Variants in CCDC171 observed in about 807,000 individuals in gnomAD.
CCDC171 encodes coiled-coil domain containing 171, also known as coiled-coil domain-containing protein 171.
In CCDC171, 177 loss-of-function variants were observed where a neutral mutation model predicts 168.2. That is an observed-to-expected ratio of 1.05 (90% CI 0.93 to 1.19). The LOEUF (loss-of-function observed/expected upper bound fraction) is 1.19. CCDC171 is among the 50% of genes most tolerant of loss of function. The pLI is 0.00. For missense variants in CCDC171, 1,991 were observed against 1,539.0 expected (o/e 1.29, Z -4.91); for synonymous variants, 687 against 540.8 (o/e 1.27, Z -3.75).
intron 25 of CCDC171, among the ~76,000 whole-genome samples, chr9:15,950,716 T>A (rs1253005852): frequency 6.6e-6 from 1 of 151,412 alleles, no homozygotes; most frequent in Non-Finnish European, 1.5e-5. Flanking sequence ...CTGCATGAAC[T>A]AATGAGCAAA....
At chr9:15,695,376 T>C in intron 11 of CCDC171, 39 bp downstream of exon 11, 1 of 1,461,298 alleles carries the variant, frequency 6.8e-7, no homozygotes, top group Non-Finnish European at 9.6e-7. Context: ...CATCTGTCAA[T>C]GTTCCAAAGT....
intron 6 of CCDC171, among the ~76,000 whole-genome samples, chr9:15,603,254 G>A (rs1379624875): frequency 2.0e-5 from 3 of 152,252 alleles, no homozygotes; most frequent in Non-Finnish European, 2.9e-5. Context: ...AGAGTGCTGG[G>A]ATTTATTTTA....
intron 1 of CCDC171, among the ~76,000 whole-genome samples, chr9:15,561,951 C>G (rs551075642): frequency 1.1e-4 from 16 of 152,164 alleles, no homozygotes; most frequent in African/African-American, 3.6e-4. Context: ...GCCTGCAGTT[C>G]TTTGCCATGT....
At chr9:15,770,043 A>T (rs949501047) in intron 18 of CCDC171, among the ~76,000 whole-genome samples, 17 of 152,326 alleles carry the variant, frequency 1.1e-4, no homozygotes, top group Admixed American at 5.9e-4. Flanking sequence ...TAGATTTTGG[A>T]TTTAAAAGCC....
chr9:16,095,869 C>CATATATATATATATATATATATATATAT, the CCDC171 span, among the ~76,000 whole-genome samples: 7 of 123,844 alleles, frequency 5.7e-5, no homozygotes, highest in African/African-American at 8.9e-5. Flanking sequence ...CACATAGGCA[C>CATATATATATATATATATATATATATAT]ATATATATAT....
intron 24 of CCDC171, among the ~76,000 whole-genome samples, chr9:15,911,363 C>G (rs924946960): frequency 8.5e-5 from 13 of 152,302 alleles, no homozygotes; most frequent in African/African-American, 3.1e-4. Flanking sequence ...AGTGTCTGCT[C>G]ATATCCTTTG....
At position 16,043,702 on chromosome 9, in the gene CCDC171, C is replaced by T. The variant is rs529990686; in HGVS notation, n.89+816C>T. 3.3e-5 allele frequency among the ~76,000 whole-genome samples: 5 copies of T among 152,284 alleles called. No individual in the cohort carries two copies. The South Asian group carries it at 1.0e-3, about 32-fold the overall frequency. ...TGTAGATATCAGATGTGGCTTTGTT[C>T]CTTACTACTTTCTTGGACCTTTTCC... On this transcript the variant is annotated intron_variant and non_coding_transcript_variant, in intron 1 of 1. Transcript: ENST00000478913.
intron 18 of CCDC171, among the ~76,000 whole-genome samples, chr9:15,747,951 C>A (rs760620193): frequency 6.6e-6 from 1 of 152,078 alleles, no homozygotes; most frequent in African/African-American, 2.4e-5. Flanking sequence ...CAAACTTCTC[C>A]GAGCTAAAGG....
intron 7 of CCDC171, among the ~76,000 whole-genome samples, chr9:15,642,210 G>T (rs201659213): frequency 1.3e-5 from 2 of 151,404 alleles, no homozygotes; most frequent in East Asian, 3.9e-4. Context: ...ACATAATACA[G>T]TGTAATACCT....
chr9:15,763,934 G>A (rs542917385), intron 18 of CCDC171, among the ~76,000 whole-genome samples: 2 of 152,086 alleles, frequency 1.3e-5, no homozygotes, highest in East Asian at 1.9e-4. Context: ...GGTACTCAAA[G>A]GCTTGGAATT....
intron 25 of CCDC171, among the ~76,000 whole-genome samples, chr9:15,930,242 C>T (rs1440561744): frequency 6.6e-6 from 1 of 151,536 alleles, no homozygotes; most frequent in East Asian, 1.9e-4. Flanking sequence ...GAATTTTTCC[C>T]ACACCAAATT....
chr9:15,948,974 T>C (rs1828773414), intron 25 of CCDC171, among the ~76,000 whole-genome samples: 1 of 152,202 alleles, frequency 6.6e-6, no homozygotes, highest in Non-Finnish European at 1.5e-5. Context: ...TTTAAGTCTT[T>C]AATCCATCTC....
Position 15,992,837 on chromosome 9 carries a change from A to G in CCDC171, n.369-27752A>G, listed in dbSNP as rs1360517803. On this transcript the variant is annotated intron_variant and non_coding_transcript_variant, in intron 3 of 9. Transcript: ENST00000486641. ...AGAGCCAAATCATGAGTGAACTCCC[A>G]TTCACAATTGCTTCAAAGAGAATAA... 2.0e-5 allele frequency among the ~76,000 whole-genome samples: 3 copies of G among 152,322 alleles called. No homozygotes were observed. The South Asian group carries it at 6.2e-4, about 32-fold the overall frequency.
the CCDC171 span, among the ~76,000 whole-genome samples, chr9:16,072,618 G>A: frequency 1.3e-5 from 2 of 152,118 alleles, no homozygotes; most frequent in South Asian, 2.1e-4. Context: ...GGCTGATCTG[G>A]TTTCTACTTG....
chr9:15,963,694 T>C (rs2132676494), intron 25 of CCDC171, among the ~76,000 whole-genome samples: 1 of 152,334 alleles, frequency 6.6e-6, no homozygotes. Flanking sequence ...CCTTTTCGTA[T>C]GTTTTTTGGT....
intron 3 of CCDC171, among the ~76,000 whole-genome samples, chr9:16,003,801 C>A (rs16933912): frequency 5.3e-5 from 8 of 152,210 alleles, no homozygotes; most frequent in South Asian, 2.1e-4. Flanking sequence ...GGATGTCCTA[C>A]TTTCCCTTAA....
chr9:15,906,751 C>T (rs1334487952), intron 24 of CCDC171, among the ~76,000 whole-genome samples: 1 of 152,140 alleles, frequency 6.6e-6, no homozygotes, highest in African/African-American at 2.4e-5. Context: ...TTGCAGACGA[C>T]ATGATTGTAT....
chr9:15,673,421 G>C (rs1027205495), intron 9 of CCDC171, among the ~76,000 whole-genome samples: 1 of 152,188 alleles, frequency 6.6e-6, no homozygotes, highest in Non-Finnish European at 1.5e-5. Flanking sequence ...TCCTTGTCTT[G>C]TGCTGGTTTT....
intron 16 of CCDC171, among the ~76,000 whole-genome samples, chr9:15,733,811 C>T (rs2054304868): frequency 6.6e-6 from 1 of 152,154 alleles, no homozygotes; most frequent in Non-Finnish European, 1.5e-5. Flanking sequence ...CCCTGTTGCC[C>T]TGGCTTGAGT....
Sources: gnomAD v4.1 joint callset for allele counts (sites outside exome capture counted in the v4.1 genomes callset) on GRCh38, gnomAD v4.1.1 for gene constraint, MANE v1.5 for transcripts, NCBI Gene and HGNC (gene_info 2026-07-23, HGNC 2026-07-21) for gene names.